Variants in CENPM observed in about 807,000 individuals in gnomAD.
CENPM encodes centromere protein M, also known as interphase centromere complex protein 39.
In CENPM, 14 loss-of-function variants were observed where a neutral mutation model predicts 19.6. The observed-to-expected ratio is 0.71, with a 90% CI of 0.47 to 1.11. The LOEUF is 1.11. Among genes scored for constraint, CENPM ranks in the 50% most tolerant of loss-of-function variants. The probability of loss-of-function intolerance (pLI) is 0.00; values close to 1 mark genes in which losing one functional copy is unlikely to be tolerated. For synonymous variants in CENPM, 114 were observed against 101.5 expected (o/e 1.12, Z -0.74); for missense variants, 239 against 228.4 (o/e 1.05, Z -0.30).
chr22:41,936,208 A>G (rs1341875942), downstream of CENPM, among the ~76,000 whole-genome samples: 1 of 152,172 alleles, frequency 6.6e-6, no homozygotes, highest in Admixed American at 6.5e-5. Flanking sequence ...GCACACAGAA[A>G]AACTGGAGAG....
chr22:41,941,642 C>T (rs2077739656), intron 5 of CENPM, among the ~76,000 whole-genome samples: 2 of 152,356 alleles, frequency 1.3e-5, no homozygotes, highest in South Asian at 2.1e-4. Context: ...GCTGGCTCTA[C>T]CCCTCACTCA....
At chr22:41,927,865 G>A in the CENPM span, among the ~76,000 whole-genome samples, 10 of 152,344 alleles carry the variant, frequency 6.6e-5, no homozygotes, top group African/African-American at 2.4e-4. Flanking sequence ...TCTCACACTT[G>A]TGCTGATGGG....
In CENPM at chr22:41,939,856, G is replaced by GAA. The variant is rs1221942295; in HGVS notation, c.403-662_403-661dup. 1.4e-3 allele frequency among the ~76,000 whole-genome samples: 38 copies of GAA among 27,406 alleles called. 7 individuals carry two copies. The African/African-American group carries it at 0.02, about 14-fold the overall frequency. The allele number at this position is 27,406 out of a possible 152,430, so 18.0% of individuals were successfully genotyped here. On this transcript the variant is annotated intron_variant, in intron 5 of 5. Transcript: ENST00000215980. Reference sequence around the variant, plus strand: ...AAAGAAAGAAAAAGAAAGAAAGAAAGAAAGAAAGAAAGAAAGAAAGAAAAA... The same window carrying GAA: ...AAAGAAAGAAAAAGAAAGAAAGAAAGAAAAAGAAAGAAAGAAAGAAAGAAAAA...
At chr22:41,932,856 C>T in the CENPM span, among the ~76,000 whole-genome samples, 4 of 152,208 alleles carry the variant, frequency 2.6e-5, no homozygotes, top group East Asian at 5.8e-4. The surrounding 1 kb of genome is among the most constrained non-coding windows in gnomAD (Gnocchi z 4.3). Context: ...GACCCCTGCG[C>T]GGATGCCTCC....
intron 5 of CENPM, among the ~76,000 whole-genome samples, chr22:41,940,759 G>C (rs2033056265): frequency 6.6e-6 from 1 of 152,124 alleles, no homozygotes; most frequent in Admixed American, 6.6e-5. Flanking sequence ...AGAAACTCAG[G>C]AAGTATTTTT....
chr22:41,946,287 GC>G, intron 2 of CENPM, 129 bp downstream of exon 2: 2 of 809,248 alleles, frequency 2.5e-6, no homozygotes, highest in Non-Finnish European at 4.0e-6. Context: ...GGACTAGCCA[GC>G]TACGCTGCAT....
chr22:41,945,610 C>G (rs1010630076), intron 3 of CENPM, among the ~76,000 whole-genome samples: 1 of 152,014 alleles, frequency 6.6e-6, no homozygotes, highest in Admixed American at 6.6e-5. Context: ...GCCACCACGC[C>G]TGGCTAATTT....
At chr22:41,946,699 T>C in intron 1 of CENPM, 1 of 598,582 alleles carries the variant, frequency 1.7e-6, no homozygotes, top group Non-Finnish European at 3.0e-6. Flanking sequence ...GGCACCGCAC[T>C]CTCTACTACC....
chr22:41,944,165 C>G (rs1248505781), intron 4 of CENPM: 1 of 985,154 alleles, frequency 1.0e-6, no homozygotes, highest in African/African-American at 1.7e-5. Flanking sequence ...AGAGGACGGC[C>G]GGGTGCGGTG....
chr22:41,927,813 T>G, the CENPM span, among the ~76,000 whole-genome samples: 3 of 152,150 alleles, frequency 2.0e-5, no homozygotes, highest in Non-Finnish European at 2.9e-5. Context: ...CATCAGACAC[T>G]TGTACCAGGC....
chr22:41,937,424 T>C (rs1334002350), downstream of CENPM, among the ~76,000 whole-genome samples: 1 of 152,182 alleles, frequency 6.6e-6, no homozygotes. Flanking sequence ...GCCTCCCAAG[T>C]AGCTGGGACT....
At chr22:41,937,879 T>C (rs544654628), downstream of CENPM, among the ~76,000 whole-genome samples, 20 of 152,040 alleles carry the variant, frequency 1.3e-4, no homozygotes, top group Non-Finnish European at 2.4e-4. Flanking sequence ...AGTCTCGCTC[T>C]GTCGCCCAGG....
the CENPM span, among the ~76,000 whole-genome samples, chr22:41,931,313 TTA>T: frequency 2.8e-5 from 4 of 143,036 alleles, no homozygotes; most frequent in African/African-American, 8.6e-5. Flanking sequence ...TATAAGAAAT[TTA>T]AAAAAAAAAA....
Position 41,945,206 on chromosome 22 carries a change from A to AGGCGAGGAACGTACTTACCACCTGT in CENPM, c.304_310+18dup. ...CCCTTGGCTGGGGGTGGGCAGTAAC[A>AGGCGAGGAACGTACTTACCACCTGT]GGCGAGGAACGTACTTACCACCTGT... On this transcript the variant is annotated intron_variant, in intron 4 of 5. Coordinates refer to ENST00000215980, the MANE Select transcript of CENPM (RefSeq NM_024053.5). The AGGCGAGGAACGTACTTACCACCTGT allele has an allele frequency of 1.9e-6, 3 of 1,613,874 alleles. No homozygotes were observed. The highest frequency in any genetic ancestry group is 2.5e-6 in the Non-Finnish European group (3 of 1,179,962).
chr22:41,939,315 C>A, intron 5 of CENPM, 119 bp from the exon 6 acceptor site: 1 of 1,135,746 alleles, frequency 8.8e-7, no homozygotes, highest in South Asian at 1.6e-5. Context: ...TAGCTCAGGT[C>A]ACCACTGCCC....
intron 5 of CENPM, 73 bp from the exon 6 acceptor site, chr22:41,939,269 GCTGCC>G (rs1469250631): frequency 6.0e-6 from 9 of 1,502,170 alleles, no homozygotes; most frequent in Non-Finnish European, 8.0e-6. Context: ...AGCTGCAGGG[GCTGCC>G]AGAGCAGGGC....
At chr22:41,942,951 A>G (rs918440856) in intron 5 of CENPM, among the ~76,000 whole-genome samples, 2 of 151,832 alleles carry the variant, frequency 1.3e-5, no homozygotes, top group East Asian at 3.9e-4. Context: ...TAACGACAAC[A>G]ACAACAACAA....
At chr22:41,940,447 A>G (rs1321062963) in intron 5 of CENPM, among the ~76,000 whole-genome samples, 1 of 152,134 alleles carries the variant, frequency 6.6e-6, no homozygotes, top group African/African-American at 2.4e-5. Flanking sequence ...GTGCAGTGGC[A>G]CCATCTTGGC....
chr22:41,930,696 T>C, the CENPM span, among the ~76,000 whole-genome samples: 1 of 151,768 alleles, frequency 6.6e-6, no homozygotes, highest in African/African-American at 2.4e-5. Flanking sequence ...TTTTTTGTAT[T>C]TTTAGGAGAG....
Sources: allele counts gnomAD v4.1 joint callset (sites outside exome capture counted in the v4.1 genomes callset), GRCh38; gene constraint gnomAD v4.1.1; non-coding constraint Gnocchi (gnomAD v3.1); transcripts MANE v1.5; gene names NCBI Gene and HGNC (gene_info 2026-07-23, HGNC 2026-07-21).